The following TPRG1 variants were observed in gnomAD, a reference collection of about 807,000 sequenced individuals.
TPRG1 encodes tumor protein p63-regulated gene 1 protein.
A neutral mutation model predicts 29.3 loss-of-function variants in TPRG1; 29 were observed. That is an observed-to-expected ratio of 0.99 (90% CI 0.74 to 1.35). The LOEUF is 1.35. Ranked by LOEUF, TPRG1 falls within the 40% of genes most tolerant of loss-of-function variation. TPRG1 has a pLI of 0.00. For synonymous variants in TPRG1, 130 were observed against 116.8 expected (o/e 1.11, Z -0.73); for missense variants, 327 against 335.0 (o/e 0.98, Z 0.19).
chr3:189,158,289 G>A (rs773757750), intron 5 of TPRG1, among the ~76,000 whole-genome samples: 1 of 152,112 alleles, frequency 6.6e-6, no homozygotes, highest in Non-Finnish European at 1.5e-5. Context: ...GGAACTGAGC[G>A]GTTGAGGGAT....
chr3:189,293,487 G>A (rs896061075), intron 4 of TPRG1, among the ~76,000 whole-genome samples: 1 of 152,062 alleles, frequency 6.6e-6, no homozygotes, highest in African/African-American at 2.4e-5. Context: ...GGGAGCAAAA[G>A]GTGCCAAGGA....
chr3:189,181,657 G>A (rs966735714), intron 1 of TPRG1, among the ~76,000 whole-genome samples: 3 of 152,136 alleles, frequency 2.0e-5, no homozygotes, highest in Non-Finnish European at 2.9e-5. Flanking sequence ...AGACCACTCA[G>A]CAAGTCTCTA....
chr3:189,027,518 A>G (rs975901306), intron 4 of TPRG1, among the ~76,000 whole-genome samples: 1 of 152,232 alleles, frequency 6.6e-6, no homozygotes, highest in Non-Finnish European at 1.5e-5. Flanking sequence ...AAATACACGC[A>G]TGGTGTATGC....
At chr3:189,015,449 T>C (rs1712879122) in intron 3 of TPRG1, among the ~76,000 whole-genome samples, 2 of 152,172 alleles carry the variant, frequency 1.3e-5, no homozygotes, top group Non-Finnish European at 2.9e-5. Context: ...AAACATTTTC[T>C]GGAAGAAATT....
intron 4 of TPRG1, among the ~76,000 whole-genome samples, chr3:189,058,578 G>T (rs918261149): frequency 6.6e-6 from 1 of 152,224 alleles, no homozygotes; most frequent in Non-Finnish European, 1.5e-5. Context: ...TCAAGGCGCT[G>T]TTAGAATTAA....
chr3:189,254,961 T>A (rs1317266229), intron 4 of TPRG1, among the ~76,000 whole-genome samples: 1 of 152,184 alleles, frequency 6.6e-6, no homozygotes, highest in African/African-American at 2.4e-5. Flanking sequence ...AGTCATGTCA[T>A]TTACAAACAG....
intron 3 of TPRG1, among the ~76,000 whole-genome samples, chr3:189,019,229 C>T (rs564790911): frequency 6.6e-6 from 1 of 151,824 alleles, no homozygotes; most frequent in Admixed American, 6.6e-5. Flanking sequence ...TTATTTCCTT[C>T]TCCTGCCTAA....
chr3:189,155,548 T>G (rs1434344079), intron 5 of TPRG1, among the ~76,000 whole-genome samples: 1 of 151,902 alleles, frequency 6.6e-6, no homozygotes, highest in African/African-American at 2.4e-5. Context: ...AGAAGGTGAT[T>G]ATTCATAGAA....
intron 2 of TPRG1, among the ~76,000 whole-genome samples, chr3:189,213,637 T>C (rs567724045): frequency 2.0e-5 from 3 of 152,326 alleles, no homozygotes; most frequent in Non-Finnish European, 4.4e-5. Flanking sequence ...ATCTTCTGTC[T>C]TCATCACATT....
chr3:189,170,022 G>A (rs1197940472), upstream of TPRG1, among the ~76,000 whole-genome samples: 3 of 152,208 alleles, frequency 2.0e-5, no homozygotes, highest in East Asian at 1.9e-4. Context: ...GATGGATGCC[G>A]TGTGAACAAT....
intron 4 of TPRG1, among the ~76,000 whole-genome samples, chr3:189,068,311 G>T (rs1454822853): frequency 6.6e-6 from 1 of 152,178 alleles, no homozygotes; most frequent in Non-Finnish European, 1.5e-5. Flanking sequence ...CCACTGCTGG[G>T]TAGATATCTA....
chr3:189,274,914 G>C (rs1282352905), intron 4 of TPRG1, among the ~76,000 whole-genome samples: 5 of 149,564 alleles, frequency 3.3e-5, no homozygotes, highest in Non-Finnish European at 7.4e-5. Context: ...TTTCCCAAGG[G>C]CATTTCTTGA....
At chr3:189,046,372 A>G (rs1255951679) in intron 4 of TPRG1, among the ~76,000 whole-genome samples, 2 of 152,232 alleles carry the variant, frequency 1.3e-5, no homozygotes, top group Non-Finnish European at 2.9e-5. Context: ...GCAGCTAATC[A>G]GATCTGCTTC....
At chr3:189,115,655 C>T (rs758833736) in intron 1 of TPRG1, among the ~76,000 whole-genome samples, 1 of 152,136 alleles carries the variant, frequency 6.6e-6, no homozygotes, top group Non-Finnish European at 1.5e-5. Context: ...GACTGTGTTC[C>T]ACAATGTTAC....
chr3:189,218,759 C>T (rs1051709765), intron 3 of TPRG1, among the ~76,000 whole-genome samples: 12 of 152,182 alleles, frequency 7.9e-5, no homozygotes, highest in African/African-American at 2.2e-4. Context: ...AAATAGACTG[C>T]ACTCCTGCAT....
rs777616187 is a variant in TPRG1, at chr3:189,215,293, C to T, written c.212C>T (p.Pro71Leu). 9.9e-6 allele frequency: 16 copies of T among 1,611,298 alleles called. No homozygotes were observed. In the East Asian group the frequency reaches 1.1e-4, roughly 11 times the overall value. The change falls in exon 3 of 6, where the codon CCG becomes CTG. Residue 71 changes from proline to leucine, a missense_variant and splice_region_variant. Coordinates refer to ENST00000345063, the MANE Select transcript of TPRG1 (RefSeq NM_198485.4). Reference sequence around the variant, plus strand: ...AGGTATTTTCTCCTTTCCACACAGCCGGGGGCCATTGAGACTGCCATGGAA... The same window carrying T: ...AGGTATTTTCTCCTTTCCACACAGCTGGGGGCCATTGAGACTGCCATGGAA... ...YISRKYFATRPGAIETAMEDL... is the reference protein window; with the variant it reads ...YISRKYFATRLGAIETAMEDL...
intron 4 of TPRG1, among the ~76,000 whole-genome samples, chr3:189,058,693 G>C (rs1404945706): frequency 6.6e-6 from 1 of 152,176 alleles, no homozygotes; most frequent in Non-Finnish European, 1.5e-5. Context: ...TGCTTCCTTA[G>C]GAAAGCAGTG....
chr3:189,312,117 GTT>G (rs1194238206), intron 5 of TPRG1, among the ~76,000 whole-genome samples: 1 of 61,382 alleles, frequency 1.6e-5, no homozygotes, highest in East Asian at 3.2e-4. Flanking sequence ...TTCTTTCTTT[GTT>G]TCTTTCTTTC....
chr3:189,200,792 A>C (rs1484076052), intron 1 of TPRG1, among the ~76,000 whole-genome samples: 1 of 152,200 alleles, frequency 6.6e-6, no homozygotes, highest in Non-Finnish European at 1.5e-5. Context: ...TCTGGGCCTC[A>C]GTTTCCTTAC....
Sources: allele counts gnomAD v4.1 joint callset (sites outside exome capture counted in the v4.1 genomes callset), GRCh38; gene constraint gnomAD v4.1.1; transcripts MANE v1.5; gene names NCBI Gene and HGNC (gene_info 2026-07-23, HGNC 2026-07-21).